Variants in RBM6 observed in about 807,000 individuals in gnomAD.
RBM6 encodes RNA binding motif protein 6, also known as RNA-binding protein 6.
Under a neutral mutation model 140.4 loss-of-function variants are expected in RBM6, and 23 were observed. The observed-to-expected ratio is 0.16, with a 90% CI of 0.12 to 0.23. RBM6 has a LOEUF of 0.23. Among genes scored for constraint, RBM6 ranks in the 10% least tolerant of loss-of-function variants. RBM6 has a pLI of 1.00. For missense variants in RBM6, 1,139 were observed against 1,386.7 expected, an observed-to-expected ratio of 0.82 and a Z score of 2.84; for synonymous variants, 439 against 475.6, an observed-to-expected ratio of 0.92 and a Z score of 1.00.
intron 14 of RBM6, 143 bp from the exon 15 acceptor site, chr3:50,061,819 T>A: frequency 7.7e-7 from 1 of 1,294,520 alleles, no homozygotes; most frequent in South Asian, 1.6e-5. Context: ...CTGGAGTGGG[T>A]TTTTAGATTG....
intron 5 of RBM6, among the ~76,000 whole-genome samples, chr3:49,994,508 C>T (rs1014438835): frequency 5.3e-5 from 8 of 152,138 alleles, no homozygotes; most frequent in African/African-American, 1.9e-4. Context: ...TGATATTTTA[C>T]TTTTCTAAAA....
Position 49,968,334 on chromosome 3 carries a change from A to G in RBM6, c.909A>G (p.Arg303=), listed in dbSNP as rs2084605830. 4.3e-6 allele frequency: 7 copies of G among 1,614,216 alleles called. No individual in the cohort carries two copies. Among genetic ancestry groups the G allele is most frequent in the Non-Finnish European group, 5.9e-6 (7 of 1,180,044 alleles). Residue 303 remains arginine, a synonymous_variant, in exon 3 of 21, where the codon AGA becomes AGG. Transcript: ENST00000266022. The part of the protein sequence containing the change: ...LDYIQPSTQD[R]EHSGMNVNRR... ...ACATTCAGCCCTCTACACAAGATAG[A>G]GAACATTCTGGTATGAATGTGAACA...
chr3:49,940,890 CTTTTTTTTTT>C (rs55701667), intron 1 of RBM6: 3 of 117,846 alleles, frequency 2.5e-5, no homozygotes, highest in Non-Finnish European at 3.4e-5. Context: ...TTGGGAATGC[CTTTTTTTTTT>C]TTTTTTTTTT....
chr3:49,956,964 C>G lies in RBM6; in HGVS notation c.-66-5612C>G, dbSNP rs886662933. On this transcript the variant is annotated intron_variant, in intron 1 of 20. Coordinates refer to ENST00000266022, the MANE Select transcript of RBM6 (RefSeq NM_005777.3). ...ACAGGCGTAAGCCACCAGGCCTGGCCTGCTTTTTTAATTTTTTATTTATTT... is the reference window on the plus strand; with the variant it reads ...ACAGGCGTAAGCCACCAGGCCTGGCGTGCTTTTTTAATTTTTTATTTATTT... Among the ~76,000 whole-genome samples the G allele has an allele frequency of 2.0e-5, 3 of 152,116 alleles. No homozygotes were observed. In the South Asian group the frequency reaches 6.2e-4, roughly 32 times the overall value.
chr3:49,984,112 T>C (rs2085434226), intron 5 of RBM6, among the ~76,000 whole-genome samples: 1 of 151,962 alleles, frequency 6.6e-6, no homozygotes, highest in African/African-American at 2.4e-5. Context: ...GGCAACATGG[T>C]GAAACTCTAT....
At chr3:50,038,302 T>C (rs1181683826) in intron 6 of RBM6, among the ~76,000 whole-genome samples, 1 of 152,104 alleles carries the variant, frequency 6.6e-6, no homozygotes, top group East Asian at 1.9e-4. Flanking sequence ...ATTAAGTTTT[T>C]AAGAAAAAGG....
intron 5 of RBM6, among the ~76,000 whole-genome samples, chr3:49,998,645 G>C (rs565620504): frequency 1.3e-5 from 2 of 152,306 alleles, no homozygotes; most frequent in African/African-American, 4.8e-5. Flanking sequence ...TTAGGAGTAA[G>C]GTGAAGGGTA....
At chr3:50,028,239 C>T (rs1211914281) in intron 6 of RBM6, among the ~76,000 whole-genome samples, 4 of 152,092 alleles carry the variant, frequency 2.6e-5, no homozygotes, top group African/African-American at 9.7e-5. Context: ...CATTGAATAG[C>T]ATATTTATTG....
chr3:50,076,928 A>G, intron 20 of RBM6, 80 bp from the exon 21 acceptor site: 2 of 1,427,156 alleles, frequency 1.4e-6, no homozygotes, highest in Non-Finnish European at 1.9e-6. Flanking sequence ...TTACTAGTCC[A>G]GAAATGCCTG....
chr3:49,977,740 C>T (rs2085121195), intron 5 of RBM6, among the ~76,000 whole-genome samples: 1 of 152,188 alleles, frequency 6.6e-6, no homozygotes, highest in Non-Finnish European at 1.5e-5. Flanking sequence ...CACAGCAGTG[C>T]AGCTTAGGTC....
rs935721615 is a variant in RBM6 at position 49,967,257 on chromosome 3, G to A, written c.45-213G>A. ...TGAAAACCTTGTGTTGACTTTCCTC[G>A]TGTTCTGAAATGGGAGCATAAAAGT... is the stretch of plus-strand genomic sequence containing the variant. On this transcript the variant is annotated intron_variant, in intron 2 of 20. Transcript: ENST00000266022. This position sits in a 1 kb window ranked among gnomAD's most constrained non-coding sequence, Gnocchi z 4.0. 6.8e-6 allele frequency: 9 copies of A among 1,327,000 alleles called. No individual in the cohort carries two copies. The highest frequency in any genetic ancestry group is 4.4e-5 in the African/African-American group (3 of 68,316). The allele number at this position is 1,327,000 out of a possible 1,614,324, so 82.2% of individuals were successfully genotyped here. A position where few individuals can be genotyped will look rare whatever the true frequency, so the allele number is the denominator to read the frequency against.
intron 6 of RBM6, among the ~76,000 whole-genome samples, chr3:50,022,571 C>T (rs767282812): frequency 9.2e-5 from 14 of 152,284 alleles, no homozygotes; most frequent in Non-Finnish European, 1.2e-4. Flanking sequence ...CTTAGGTGAT[C>T]TGCCTACTTT....
chr3:50,071,806 C>T (rs935820228), intron 19 of RBM6, among the ~76,000 whole-genome samples: 1 of 152,140 alleles, frequency 6.6e-6, no homozygotes, highest in East Asian at 1.9e-4. Context: ...AAAATGGGGG[C>T]CAGGCGTGGT....
At chr3:49,958,371 T>C (rs887665711) in intron 1 of RBM6, among the ~76,000 whole-genome samples, 3 of 151,774 alleles carry the variant, frequency 2.0e-5, no homozygotes, top group African/African-American at 7.3e-5. Flanking sequence ...CTGGCTAACA[T>C]GGTGAAACCC....
At chr3:49,985,831 C>T (rs574705978) in intron 5 of RBM6, among the ~76,000 whole-genome samples, 163 of 152,072 alleles carry the variant, frequency 1.1e-3, no homozygotes, top group Non-Finnish European at 1.6e-3. Flanking sequence ...TGGTCTCGAT[C>T]TCCTGACCTT....
chr3:50,000,766 A>G (rs992709596), intron 6 of RBM6, among the ~76,000 whole-genome samples: 3 of 152,148 alleles, frequency 2.0e-5, no homozygotes, highest in Non-Finnish European at 4.4e-5. Context: ...AGTAGTTATT[A>G]GATGAGAACT....
chr3:50,046,212 C>T (rs1316898318), intron 6 of RBM6, among the ~76,000 whole-genome samples: 4 of 146,814 alleles, frequency 2.7e-5, no homozygotes, highest in Non-Finnish European at 6.0e-5. Context: ...ACCTGGGAGG[C>T]GGAGGTTGTG....
intron 6 of RBM6, among the ~76,000 whole-genome samples, chr3:50,046,531 A>G (rs1575801068): frequency 6.6e-6 from 1 of 151,232 alleles, no homozygotes; most frequent in East Asian, 1.9e-4. Flanking sequence ...GTGAGCCGAG[A>G]TCACGCCATA....
At chr3:49,979,438 G>GTTTTTTTTTT (rs35205938) in intron 5 of RBM6, among the ~76,000 whole-genome samples, 1 of 124,574 alleles carries the variant, frequency 8.0e-6, no homozygotes. Context: ...TGCTTACTTT[G>GTTTTTTTTTT]TTTTTTTTTT....
Sources: allele counts gnomAD v4.1 joint callset (sites outside exome capture counted in the v4.1 genomes callset), GRCh38; gene constraint gnomAD v4.1.1; non-coding constraint Gnocchi (gnomAD v3.1); transcripts MANE v1.5; gene names NCBI Gene and HGNC (gene_info 2026-07-23, HGNC 2026-07-21).